Variants in TIMM23B observed in about 807,000 individuals in gnomAD.
The protein encoded by TIMM23B is translocase of inner mitochondrial membrane 23 homolog B.
TIMM23B carries 27 observed loss-of-function variants against 27.3 expected under a neutral mutation model. The observed-to-expected ratio is 0.99, with a 90% CI of 0.73 to 1.36. The LOEUF (loss-of-function observed/expected upper bound fraction) is 1.36. TIMM23B is among the 40% of genes most tolerant of loss of function. The pLI, the probability that TIMM23B is intolerant of heterozygous loss-of-function variation, is 0.00. For missense variants in TIMM23B, 205 were observed against 244.2 expected, an observed-to-expected ratio of 0.84 and a Z score of 1.07; for synonymous variants, 73 against 92.4, an observed-to-expected ratio of 0.79 and a Z score of 1.21.
At chr10:49,943,740 T>G (rs1485237978) in intron 1 of TIMM23B, among the ~76,000 whole-genome samples, 3 of 98,920 alleles carry the variant, frequency 3.0e-5, no homozygotes, top group East Asian at 2.1e-4. Flanking sequence ...TTTGTGGGTT[T>G]TTTTTTTTTT....
chr10:49,961,383 C>CA (rs1228617217), intron 6 of TIMM23B, among the ~76,000 whole-genome samples: 8,766 of 66,994 alleles, frequency 0.13, 439 homozygotes, highest in African/African-American at 0.23. Flanking sequence ...AACTCTGTCT[C>CA]AAAAAAAAAA....
At chr10:49,959,919 T>C (rs1419597128) in intron 6 of TIMM23B, among the ~76,000 whole-genome samples, 1 of 151,774 alleles carries the variant, frequency 6.6e-6, no homozygotes, top group Non-Finnish European at 1.5e-5. Context: ...TGGCTAATTC[T>C]TGTATTTTTA....
intron 5 of TIMM23B, among the ~76,000 whole-genome samples, chr10:49,957,200 T>A (rs1437379487): frequency 2.6e-5 from 4 of 152,130 alleles, no homozygotes; most frequent in African/African-American, 9.6e-5. Context: ...TTTATTGGAT[T>A]GGCTCACAGA....
At chr10:49,959,865 C>T (rs1839839857) in intron 6 of TIMM23B, among the ~76,000 whole-genome samples, 3 of 151,896 alleles carry the variant, frequency 2.0e-5, no homozygotes, top group South Asian at 4.2e-4. Flanking sequence ...TCTCCCATCT[C>T]AGCCTCCTGA....
At chr10:49,962,919 T>C (rs1315079949) in intron 6 of TIMM23B, among the ~76,000 whole-genome samples, 2 of 144,810 alleles carry the variant, frequency 1.4e-5, no homozygotes, top group African/African-American at 4.9e-5. Flanking sequence ...GAGACAGAGT[T>C]TCACTCTCGT....
chr10:49,952,394 GT>G (rs1367649808), intron 3 of TIMM23B, 54 bp from the exon 4 acceptor site: 1,026 of 1,394,828 alleles, frequency 7.4e-4, no homozygotes, highest in Admixed American at 1.7e-3. Context: ...CAGTTTTGAG[GT>G]TTTTTTTTTA....
intron 1 of TIMM23B, among the ~76,000 whole-genome samples, chr10:49,944,192 G>T (rs1277187543): frequency 1.3e-5 from 2 of 152,296 alleles, no homozygotes; most frequent in East Asian, 3.9e-4. Context: ...GAAAAATCAC[G>T]TAGTTGCTAT....
intron 4 of TIMM23B, 36 bp downstream of exon 4, chr10:49,952,569 T>G: frequency 6.2e-7 from 1 of 1,610,358 alleles, no homozygotes. Flanking sequence ...TAGTGATACT[T>G]GAATATTAAG....
At chr10:49,955,917 A>G (rs1839702908) in intron 5 of TIMM23B, among the ~76,000 whole-genome samples, 1 of 152,040 alleles carries the variant, frequency 6.6e-6, no homozygotes, top group East Asian at 1.9e-4. Context: ...CCACCCTCCT[A>G]CAGAGTCACC....
At chr10:49,971,680 C>A (rs1218751581) in intron 6 of TIMM23B, among the ~76,000 whole-genome samples, 1 of 152,142 alleles carries the variant, frequency 6.6e-6, no homozygotes, top group Admixed American at 6.5e-5. Flanking sequence ...AGCTTCTCCC[C>A]GTTGAGCCCA....
chr10:49,948,022 ATTT>A (rs1258157150), intron 2 of TIMM23B, among the ~76,000 whole-genome samples: 1 of 152,198 alleles, frequency 6.6e-6, no homozygotes, highest in African/African-American at 2.4e-5. Context: ...AGAATATTTA[ATTT>A]TTTTAACTCT....
chr10:49,952,620 A>G (rs1839571038), intron 4 of TIMM23B, 87 bp downstream of exon 4: 4 of 1,477,080 alleles, frequency 2.7e-6, no homozygotes, highest in Admixed American at 2.1e-5. Flanking sequence ...TTGAGATTAC[A>G]GATGGTTAGC....
At chr10:49,951,634 CAG>C (rs1297405118) in intron 2 of TIMM23B, among the ~76,000 whole-genome samples, 3 of 152,070 alleles carry the variant, frequency 2.0e-5, no homozygotes, top group Non-Finnish European at 4.4e-5. Flanking sequence ...ACTCCTTAAA[CAG>C]ATAAGAATTA....
intron 6 of TIMM23B, among the ~76,000 whole-genome samples, chr10:49,969,436 C>T: frequency 1.3e-5 from 1 of 74,764 alleles, no homozygotes. Context: ...GACCCTGTGT[C>T]AAAAAAAAAA....
chr10:49,963,431 C>G (rs1209684140), intron 6 of TIMM23B, among the ~76,000 whole-genome samples: 3 of 151,592 alleles, frequency 2.0e-5, no homozygotes, highest in Non-Finnish European at 4.4e-5. Context: ...TGCACTCCAA[C>G]CTGGGCAATA....
At chr10:49,962,530 T>G (rs1839955579) in intron 6 of TIMM23B, among the ~76,000 whole-genome samples, 1 of 152,196 alleles carries the variant, frequency 6.6e-6, no homozygotes, top group Admixed American at 6.5e-5. Flanking sequence ...GGCTCTATCT[T>G]CTCTGTAATT....
At chr10:49,948,677 A>T (rs1346039466) in intron 2 of TIMM23B, among the ~76,000 whole-genome samples, 4 of 152,240 alleles carry the variant, frequency 2.6e-5, no homozygotes, top group Non-Finnish European at 4.4e-5. Context: ...TATGGACAAG[A>T]AAGTAGATTA....
At chr10:49,961,081 A>C (rs2133084925) in intron 6 of TIMM23B, among the ~76,000 whole-genome samples, 1 of 152,252 alleles carries the variant, frequency 6.6e-6, no homozygotes, top group Middle Eastern at 3.4e-3. Flanking sequence ...GAAAAGGTTG[A>C]AGTGAAAGAT....
At chr10:49,959,569 T>C (rs1839830596) in intron 6 of TIMM23B, among the ~76,000 whole-genome samples, 1 of 152,228 alleles carries the variant, frequency 6.6e-6, no homozygotes, top group East Asian at 1.9e-4. Context: ...ACATACGTGA[T>C]TTTTTAAGTC....
Sources: gnomAD v4.1 joint callset for allele counts (sites outside exome capture counted in the v4.1 genomes callset) on GRCh38, gnomAD v4.1.1 for gene constraint, MANE v1.5 for transcripts, NCBI Gene and HGNC (gene_info 2026-07-23, HGNC 2026-07-21) for gene names.